Variants in ZGRF1 observed in about 807,000 individuals in gnomAD.
ZGRF1 encodes 5'-3' DNA helicase ZGRF1.
A neutral mutation model predicts 203.5 loss-of-function variants in ZGRF1; 196 were observed. The ratio of observed to expected loss-of-function variants is 0.96; its 90% CI spans 0.86 to 1.08. The LOEUF (loss-of-function observed/expected upper bound fraction) is 1.08, where lower values mean the gene tolerates loss of function less well. ZGRF1 is among the 50% of genes least tolerant of loss of function. ZGRF1 has a pLI of 0.00. For missense variants in ZGRF1, 2,326 were observed against 2,416.3 expected, an observed-to-expected ratio of 0.96 and a Z score of 0.78; for synonymous variants, 809 against 841.3, an observed-to-expected ratio of 0.96 and a Z score of 0.66.
intron 8 of ZGRF1, 42 bp downstream of exon 8, chr4:112,609,337 G>C (rs747059641): frequency 1.2e-5 from 14 of 1,189,198 alleles, no homozygotes; most frequent in Non-Finnish European, 1.6e-5. Flanking sequence ...ACAGGCATGA[G>C]CCACCATGCC....
At chr4:112,583,505 C>T (rs1746637311) in intron 15 of ZGRF1, among the ~76,000 whole-genome samples, 1 of 152,158 alleles carries the variant, frequency 6.6e-6, no homozygotes, top group African/African-American at 2.4e-5. Context: ...GCCGAAATAA[C>T]TTTAAAGACT....
At position 112,618,477 on chromosome 4, in the gene ZGRF1, T is replaced by G; in HGVS notation, c.1565A>C (p.Asn522Thr). ...TACCTCCAAAAATGGTTGTGTTACA[T>G]TACTCAGAGATTCATGAATACTATT... The part of the protein sequence containing the change: ...SLNSIHESLS[N>T]VTQPFLEVTF... The change falls in exon 6 of 28, where the codon AAT (asparagine) becomes ACT (threonine). Residue 522 changes from asparagine (N) to threonine (T), a missense_variant. By Grantham distance (65) the Asn-to-Thr change is moderately conservative. Coordinates refer to ENST00000505019, the MANE Select transcript of ZGRF1 (RefSeq NM_018392.5). 1 of 1,613,600 alleles carries G rather than the reference T, an allele frequency of 6.2e-7. No individual in the cohort carries two copies. The highest frequency in any genetic ancestry group is 8.5e-7 in the Non-Finnish European group (1 of 1,179,816).
At chr4:112,552,821 T>TGTTA (rs1257173135) in intron 22 of ZGRF1, among the ~76,000 whole-genome samples, 2 of 152,206 alleles carry the variant, frequency 1.3e-5, no homozygotes, top group Non-Finnish European at 2.9e-5. Flanking sequence ...GCCTCACTGA[T>TGTTA]GTTAGGCTTG....
rs1741775404 is a variant in ZGRF1, at chr4:112,560,618, C to T, written c.4960+115G>A. 3.4e-6 allele frequency: 3 copies of T among 893,584 alleles called. No homozygotes were observed. The East Asian group carries it at 7.3e-5, about 22-fold the overall frequency. The allele number at this position is 893,584 out of a possible 1,614,324, so 55.4% of individuals were successfully genotyped here. ...CAAAGTGGGTACAGGTTTAAAAAGT[C>T]TACTTAGAGTTATTCTTGAACCTCA... On this transcript the variant is annotated intron_variant, in intron 19 of 27. Coordinates refer to ENST00000505019, the MANE Select transcript of ZGRF1 (RefSeq NM_018392.5).
At chr4:112,554,824 A>T in intron 20 of ZGRF1, 42 bp from the exon 21 acceptor site, 5 of 1,075,064 alleles carry the variant, frequency 4.7e-6, no homozygotes, top group Non-Finnish European at 6.9e-6. Flanking sequence ...TATTTAGGAA[A>T]CAGAATATAA....
chr4:112,549,188 G>A (rs950348478), intron 22 of ZGRF1, among the ~76,000 whole-genome samples: 2 of 151,958 alleles, frequency 1.3e-5, no homozygotes, highest in Non-Finnish European at 2.9e-5. Flanking sequence ...GCCTGTAAGT[G>A]TATTTGAATC....
chr4:112,554,637 A>C (rs1740609888), intron 21 of ZGRF1, 68 bp downstream of exon 21: 2 of 751,640 alleles, frequency 2.7e-6, no homozygotes, highest in Non-Finnish European at 2.3e-6. Context: ...AACTTAAGGT[A>C]AGAGTGATAT....
At chr4:112,582,739 C>T (rs1410138407) in intron 15 of ZGRF1, among the ~76,000 whole-genome samples, 2 of 152,120 alleles carry the variant, frequency 1.3e-5, no homozygotes, top group Non-Finnish European at 2.9e-5. Context: ...GGATTACAGG[C>T]GTGAGATCAT....
chr4:112,568,291 G>A (rs1226591549), intron 16 of ZGRF1, among the ~76,000 whole-genome samples: 2 of 152,066 alleles, frequency 1.3e-5, no homozygotes, highest in Non-Finnish European at 2.9e-5. Context: ...CCCATAATGT[G>A]CCCAAGAGGA....
intron 20 of ZGRF1, among the ~76,000 whole-genome samples, chr4:112,557,852 G>A (rs1011570628): frequency 2.6e-5 from 4 of 152,172 alleles, no homozygotes; most frequent in African/African-American, 4.8e-5. Flanking sequence ...GCTCAGGGCC[G>A]CTGGCAGACT....
intron 3 of ZGRF1, among the ~76,000 whole-genome samples, chr4:112,626,989 A>G (rs13111639): frequency 6.6e-6 from 1 of 152,038 alleles, no homozygotes; most frequent in African/African-American, 2.4e-5. Context: ...TATTTTTAGT[A>G]GAGACGGGGT....
At chr4:112,558,333 A>G (rs1190664630) in intron 19 of ZGRF1, 24 bp from the exon 20 acceptor site, 1 of 1,469,370 alleles carries the variant, frequency 6.8e-7, no homozygotes, top group Non-Finnish European at 9.0e-7. Context: ...AAGAAGAAAA[A>G]AATAAAAAGC....
chr4:112,629,900 T>C (rs866506611), intron 3 of ZGRF1: 18 of 284,820 alleles, frequency 6.3e-5, no homozygotes, highest in Middle Eastern at 1.2e-3. Context: ...GCGCTTGTAA[T>C]CCCAGCTACT....
chr4:112,556,394 T>C (rs1006953233), intron 20 of ZGRF1, among the ~76,000 whole-genome samples: 2 of 152,144 alleles, frequency 1.3e-5, no homozygotes, highest in Non-Finnish European at 2.9e-5. Context: ...AATTACATTT[T>C]CTAAGTTTTT....
chr4:112,600,175 G>A (rs1393518786), intron 10 of ZGRF1, among the ~76,000 whole-genome samples: 1 of 152,064 alleles, frequency 6.6e-6, no homozygotes, highest in Non-Finnish European at 1.5e-5. Flanking sequence ...GGGACTAGAG[G>A]CACGCAACAT....
chr4:112,599,240 T>A (rs1749539933), intron 10 of ZGRF1, among the ~76,000 whole-genome samples: 1 of 152,150 alleles, frequency 6.6e-6, no homozygotes, highest in African/African-American at 2.4e-5. Context: ...GAGGGAAATA[T>A]TTTTATAATA....
rs542855949 is a variant in ZGRF1, at chr4:112,585,407, T to C, written c.4101+134A>G. 2.9e-5 allele frequency: 15 copies of C among 525,390 alleles called. No homozygotes were observed. In the South Asian group the frequency reaches 8.1e-4, roughly 28 times the overall value. 32.5% of individuals were successfully genotyped at this position (525,390 alleles called of 1,614,324 possible). On this transcript the variant is annotated intron_variant, in intron 14 of 27. Transcript: ENST00000505019. ...AATAAAACTTTGAGAATTTAATGTA[T>C]GTTAGGTACCAACACCTCAAATAGA...
At position 112,606,021 on chromosome 4, in the gene ZGRF1, GT is replaced by G; in HGVS notation, c.2788del (p.Thr930ProfsTer14). On this transcript the variant is annotated frameshift_variant, in exon 9 of 28. Transcript: ENST00000505019. LOFTEE classifies it high-confidence loss of function. Reference sequence around the variant, plus strand: ...CACAAATTTTACCTTAGGGTCACAGGTTTTTCTCTCTATTTGTTTAGGAATA... The same window carrying G: ...CACAAATTTTACCTTAGGGTCACAGGTTTTCTCTCTATTTGTTTAGGAATA... ...AVIPKQIERK[T>X]CDPKPVEFQG... The G allele has an allele frequency of 6.3e-7, 1 of 1,596,888 alleles. No homozygotes were observed. The highest frequency in any genetic ancestry group is 8.5e-7 in the Non-Finnish European group (1 of 1,169,976).
At chr4:112,609,184 G>T (rs1186241114) in intron 8 of ZGRF1, among the ~76,000 whole-genome samples, 195 bp downstream of exon 8, 1 of 151,726 alleles carries the variant, frequency 6.6e-6, no homozygotes, top group Non-Finnish European at 1.5e-5. Context: ...CTCCCGAGTA[G>T]CCGGGACTAC....
Sources: allele counts gnomAD v4.1 joint callset (sites outside exome capture counted in the v4.1 genomes callset), GRCh38; gene constraint gnomAD v4.1.1; transcripts MANE v1.5; gene names NCBI Gene and HGNC (gene_info 2026-07-23, HGNC 2026-07-21).